CDKN2B-AS1: variants seen among roughly 807,000 people sequenced by gnomAD.
CDKN2B-AS1 encodes the protein CDKN2B and CDKN2A antisense cis and trans regulatory RNA 1.
chr9:22,084,406 A>G (rs896703975), intron 4 of CDKN2B-AS1, among the ~76,000 whole-genome samples: 3 of 152,212 alleles, frequency 2.0e-5, no homozygotes, highest in African/African-American at 4.8e-5. Flanking sequence ...ACTCAGTTGA[A>G]TTTCTCTTGA....
chr9:22,124,715 G>A (rs910051931), intron 4 of CDKN2B-AS1, among the ~76,000 whole-genome samples: 6 of 152,184 alleles, frequency 3.9e-5, no homozygotes, highest in African/African-American at 7.2e-5. Context: ...TGGGAACAGC[G>A]TGGAGTCTAG....
intron 1 of CDKN2B-AS1, chr9:22,009,024 T>G: frequency 6.2e-7 from 1 of 1,602,156 alleles, no homozygotes; most frequent in South Asian, 1.1e-5. Flanking sequence ...CACTCTTCCC[T>G]TCTTTCCCAC....
intron 1 of CDKN2B-AS1, among the ~76,000 whole-genome samples, chr9:22,027,500 C>G (rs1357025308): frequency 6.6e-6 from 1 of 152,138 alleles, no homozygotes; most frequent in Non-Finnish European, 1.5e-5. Context: ...TCTATTCATT[C>G]TTACCAAATA....
intron 4 of CDKN2B-AS1, among the ~76,000 whole-genome samples, chr9:22,093,693 A>G (rs1209080462): frequency 7.1e-6 from 1 of 141,762 alleles, no homozygotes; most frequent in African/African-American, 3.0e-5. Flanking sequence ...CCATCCCTTT[A>G]TTTTGAGCCT....
chr9:22,006,205 G>A lies in CDKN2B-AS1; in HGVS notation n.29+11044G>A, dbSNP rs2131181749. On this transcript the variant is annotated intron_variant and non_coding_transcript_variant, in intron 1 of 4. Transcript: ENST00000650946. The surrounding 1 kb of genome is among the most constrained non-coding windows in gnomAD (Gnocchi z 6.4). ...GCGCAGTTGGGCTCCGCGCCGTGGA[G>A]CAGCAGCAGCTCCGCCACGCGGGCG... 1 of 1,608,382 alleles carries A rather than the reference G, an allele frequency of 6.2e-7. No individual in the cohort carries two copies. Among genetic ancestry groups the A allele is most frequent in the Non-Finnish European group, 8.5e-7 (1 of 1,179,824 alleles).
At chr9:22,038,303 C>T (rs775797553) in intron 1 of CDKN2B-AS1, among the ~76,000 whole-genome samples, 5 of 151,586 alleles carry the variant, frequency 3.3e-5, no homozygotes, top group Non-Finnish European at 7.4e-5. Context: ...TGAAATTCAA[C>T]TTTTCTCCAA....
intron 4 of CDKN2B-AS1, among the ~76,000 whole-genome samples, chr9:22,063,192 C>T (rs190056684): frequency 8.0e-4 from 122 of 152,084 alleles, no homozygotes; most frequent in Non-Finnish European, 1.3e-3. Flanking sequence ...ATGAGGCACA[C>T]CTGTAAAGAT....
At chr9:22,090,554 T>C (rs1020393526) in intron 4 of CDKN2B-AS1, among the ~76,000 whole-genome samples, 12 of 152,338 alleles carry the variant, frequency 7.9e-5, no homozygotes, top group Admixed American at 2.0e-4. Context: ...ATTGTGGTTT[T>C]GATTTGCATT....
chr9:22,071,570 C>G (rs186182408), intron 4 of CDKN2B-AS1, among the ~76,000 whole-genome samples: 33 of 152,106 alleles, frequency 2.2e-4, no homozygotes, highest in Admixed American at 1.9e-3. Context: ...ACTTTTGCCA[C>G]TAATTATTTT....
rs944199987 is a variant in CDKN2B-AS1 at position 22,107,869 on chromosome 9, A to G, written n.439-19234A>G. ...AGGGACAATATGTGCTTAGAAGGACAGAGAAGGAATGTATTAGGTAAGGCA... is the reference window on the plus strand; with the variant it reads ...AGGGACAATATGTGCTTAGAAGGACGGAGAAGGAATGTATTAGGTAAGGCA... On this transcript the variant is annotated intron_variant and non_coding_transcript_variant, in intron 4 of 4. Transcript: ENST00000650946. 1.4e-4 allele frequency among the ~76,000 whole-genome samples: 21 copies of G among 152,224 alleles called. 1 individual carries two copies. Among genetic ancestry groups the G allele is most frequent in the African/African-American group, 4.6e-4 (19 of 41,460 alleles).
At chr9:22,007,858 A>G (rs1282500605) in intron 1 of CDKN2B-AS1, among the ~76,000 whole-genome samples, 1 of 152,174 alleles carries the variant, frequency 6.6e-6, no homozygotes, top group East Asian at 1.9e-4. Flanking sequence ...TCCTTTAAAA[A>G]TCCCTCATTT....
chr9:22,013,221 A>G (rs1215489409), intron 1 of CDKN2B-AS1, among the ~76,000 whole-genome samples: 4 of 152,140 alleles, frequency 2.6e-5, no homozygotes, highest in Non-Finnish European at 5.9e-5. Context: ...TAAGGGCTCT[A>G]TTTCCAAATA....
intron 4 of CDKN2B-AS1, among the ~76,000 whole-genome samples, chr9:22,100,177 G>C (rs1556516): frequency 0.63 from 95,574 of 151,936 alleles, 32,322 homozygotes; most frequent in African/African-American, 0.89. Context: ...AACTTCCACG[G>C]TATAATTTCA....
At chr9:22,007,853 T>TA (rs1210640418) in intron 1 of CDKN2B-AS1, among the ~76,000 whole-genome samples, 3 of 152,170 alleles carry the variant, frequency 2.0e-5, no homozygotes, top group Non-Finnish European at 2.9e-5. Flanking sequence ...TTTGCTCCTT[T>TA]AAAAATCCCT....
chr9:22,055,685 C>A (rs1314586331), intron 3 of CDKN2B-AS1, among the ~76,000 whole-genome samples: 2 of 152,096 alleles, frequency 1.3e-5, no homozygotes, highest in South Asian at 2.1e-4. Flanking sequence ...GGCTTGGGTG[C>A]AGATGATCCA....
intron 3 of CDKN2B-AS1, among the ~76,000 whole-genome samples, chr9:22,051,619 G>A (rs1823349475): frequency 6.6e-6 from 1 of 152,144 alleles, no homozygotes; most frequent in Non-Finnish European, 1.5e-5. Context: ...TGGGACTCTA[G>A]AAGGCTGATA....
At chr9:22,076,459 T>C (rs982451897) in intron 4 of CDKN2B-AS1, among the ~76,000 whole-genome samples, 1 of 152,166 alleles carries the variant, frequency 6.6e-6, no homozygotes, top group Admixed American at 6.5e-5. Flanking sequence ...ATAGCCACAT[T>C]ACAAAAGTAA....
At chr9:22,105,241 A>T (rs535682035) in intron 4 of CDKN2B-AS1, among the ~76,000 whole-genome samples, 2 of 152,234 alleles carry the variant, frequency 1.3e-5, no homozygotes, top group Non-Finnish European at 2.9e-5. Flanking sequence ...AGGGTATATC[A>T]TCAGCGGAAA....
chr9:22,071,176 G>A (rs73650010), intron 4 of CDKN2B-AS1, among the ~76,000 whole-genome samples: 2 of 149,448 alleles, frequency 1.3e-5, no homozygotes, highest in East Asian at 3.9e-4. Flanking sequence ...TTACAACTTA[G>A]GAGACTAATA....
Sources: allele counts gnomAD v4.1 joint callset (sites outside exome capture counted in the v4.1 genomes callset), GRCh38; gene constraint gnomAD v4.1.1; non-coding constraint Gnocchi (gnomAD v3.1); transcripts MANE v1.5; gene names NCBI Gene and HGNC (gene_info 2026-07-23, HGNC 2026-07-21).